UBE2E1: variants seen among roughly 807,000 people sequenced by gnomAD.
The protein encoded by UBE2E1 is ubiquitin conjugating enzyme E2 E1, also known as ubiquitin-conjugating enzyme E2 E1.
Under a neutral mutation model 21.4 loss-of-function variants are expected in UBE2E1, and 6 were observed. That is an observed-to-expected ratio of 0.28 (90% confidence interval 0.15 to 0.55). UBE2E1 has a LOEUF of 0.55. Ranked by LOEUF, UBE2E1 falls within the 20% of genes least tolerant of loss-of-function variation. UBE2E1 has a pLI of 0.93. For missense variants in UBE2E1, 142 were observed against 236.5 expected (o/e 0.60, Z 2.62); for synonymous variants, 87 against 82.7 (o/e 1.05, Z -0.28).
chr3:23,850,770 C>T (rs1191015066), intron 3 of UBE2E1, among the ~76,000 whole-genome samples: 1 of 148,228 alleles, frequency 6.7e-6, no homozygotes, highest in African/African-American at 2.5e-5. Context: ...CAGCCTCAGG[C>T]TCAAGCAGTC....
chr3:23,840,681 T>C (rs1700066926), intron 3 of UBE2E1, among the ~76,000 whole-genome samples: 1 of 152,202 alleles, frequency 6.6e-6, no homozygotes. Flanking sequence ...CTCTGTTCTC[T>C]GGTGATTCTT....
At position 23,845,276 on chromosome 3, in the gene UBE2E1, T is replaced by A. The variant is rs72627020; in HGVS notation, c.203+33766T>A. 3.5e-3 allele frequency among the ~76,000 whole-genome samples: 537 copies of A among 152,310 alleles called. 10 individuals carry two copies. The East Asian group carries it at 0.044, about 12-fold the overall frequency. ...TTTCTTCTTTTTACCTCAAGATCTG[T>A]GTGTCTGGCAGAATGCATTGCACAC... On this transcript the variant is annotated intron_variant, in intron 3 of 5. Transcript: ENST00000306627.
At chr3:23,868,506 A>G (rs1700704903) in intron 3 of UBE2E1, among the ~76,000 whole-genome samples, 1 of 151,792 alleles carries the variant, frequency 6.6e-6, no homozygotes, top group South Asian at 2.1e-4. Flanking sequence ...ATGGGGTTTC[A>G]CCATATTGGC....
chr3:23,829,163 TC>T (rs1699814792), intron 3 of UBE2E1, among the ~76,000 whole-genome samples: 1 of 39,048 alleles, frequency 2.6e-5, no homozygotes, highest in African/African-American at 1.2e-4. Flanking sequence ...AGACAGGGCC[TC>T]AAAAAAAAAA....
intron 3 of UBE2E1, among the ~76,000 whole-genome samples, chr3:23,815,024 T>G (rs113215705): frequency 6.6e-6 from 1 of 152,106 alleles, no homozygotes; most frequent in Non-Finnish European, 1.5e-5. Context: ...GGGTCTCATT[T>G]TGTCACCCAG....
intron 3 of UBE2E1, among the ~76,000 whole-genome samples, chr3:23,881,191 T>G (rs921097645): frequency 6.6e-5 from 10 of 152,220 alleles, no homozygotes; most frequent in African/African-American, 2.4e-4. Flanking sequence ...ATTGTTTACA[T>G]ACCTGTGTGA....
At chr3:23,846,523 C>G (rs1406213508) in intron 3 of UBE2E1, among the ~76,000 whole-genome samples, 1 of 152,004 alleles carries the variant, frequency 6.6e-6, no homozygotes, top group Non-Finnish European at 1.5e-5. Flanking sequence ...TGGTGAAACC[C>G]CATCTTTACT....
intron 3 of UBE2E1, among the ~76,000 whole-genome samples, chr3:23,858,611 C>T (rs116744729): frequency 0.014 from 2,143 of 152,210 alleles, 54 homozygotes; most frequent in African/African-American, 0.047. Context: ...TGACCCACTG[C>T]GCCCGGCCAG....
At chr3:23,818,795 T>A (rs1013668553) in intron 3 of UBE2E1, among the ~76,000 whole-genome samples, 3 of 152,152 alleles carry the variant, frequency 2.0e-5, no homozygotes, top group African/African-American at 7.2e-5. Context: ...AGAATTGTGC[T>A]CTGAAGGATG....
At chr3:23,857,840 A>G (rs188869811) in intron 3 of UBE2E1, among the ~76,000 whole-genome samples, 8 of 152,224 alleles carry the variant, frequency 5.3e-5, no homozygotes, top group African/African-American at 1.9e-4. Flanking sequence ...CAATGACCTT[A>G]GCTAGTCTTT....
intron 3 of UBE2E1, among the ~76,000 whole-genome samples, chr3:23,886,152 A>G (rs187777900): frequency 6.6e-6 from 1 of 152,320 alleles, no homozygotes; most frequent in Non-Finnish European, 1.5e-5. Context: ...GTGACCCGAG[A>G]TCATGCCACT....
At chr3:23,820,696 G>T (rs1163686544) in intron 3 of UBE2E1, among the ~76,000 whole-genome samples, 1 of 152,110 alleles carries the variant, frequency 6.6e-6, no homozygotes, top group Non-Finnish European at 1.5e-5. Context: ...TTTGCCACAG[G>T]TGCCACATCT....
intron 3 of UBE2E1, among the ~76,000 whole-genome samples, chr3:23,856,443 G>T (rs1700438654): frequency 6.6e-6 from 1 of 152,200 alleles, no homozygotes; most frequent in Admixed American, 6.5e-5. Context: ...TCCCCATCTG[G>T]AGTATGGTTT....
chr3:23,855,755 G>A (rs949340026), intron 3 of UBE2E1, among the ~76,000 whole-genome samples: 3 of 151,980 alleles, frequency 2.0e-5, no homozygotes, highest in East Asian at 1.9e-4. Context: ...GCGTGAACCC[G>A]GGAGGCGGAG....
At position 23,816,193 on chromosome 3, in the gene UBE2E1, A is replaced by T. The variant is rs1057161921; in HGVS notation, c.203+4683A>T. On this transcript the variant is annotated intron_variant, in intron 3 of 5. Coordinates refer to ENST00000306627, the MANE Select transcript of UBE2E1 (RefSeq NM_003341.5). This position sits in a 1 kb window ranked among gnomAD's most constrained non-coding sequence, Gnocchi z 4.8. ...CGTATGACCCAGTAATTTTACTGCTATCTATGTACCCTGAATAATTAAAAA... is the reference window on the plus strand; with the variant it reads ...CGTATGACCCAGTAATTTTACTGCTTTCTATGTACCCTGAATAATTAAAAA... Among the ~76,000 whole-genome samples, 5 of 152,224 alleles carry T rather than the reference A, an allele frequency of 3.3e-5. No individual in the cohort carries two copies. The highest frequency in any genetic ancestry group is 1.2e-4 in the African/African-American group (5 of 41,470).
At chr3:23,882,833 C>A (rs769524308) in intron 3 of UBE2E1, among the ~76,000 whole-genome samples, 3 of 152,196 alleles carry the variant, frequency 2.0e-5, no homozygotes, top group Non-Finnish European at 4.4e-5. Context: ...GCTCCGAGTG[C>A]GGGGCTGCCA....
At chr3:23,859,783 C>A (rs1189809268) in intron 3 of UBE2E1, among the ~76,000 whole-genome samples, 2 of 152,132 alleles carry the variant, frequency 1.3e-5, no homozygotes, top group Admixed American at 1.3e-4. Flanking sequence ...TTTTTAAAGC[C>A]CTTAATGATT....
chr3:23,842,260 T>TGTG lies in UBE2E1; in HGVS notation c.203+30752_203+30753insGGT. 7.5e-6 allele frequency among the ~76,000 whole-genome samples: 1 copy of TGTG among 133,496 alleles called. No homozygotes were observed. Among genetic ancestry groups the TGTG allele is most frequent in the Non-Finnish European group, 1.6e-5 (1 of 60,760 alleles). The allele number at this position is 133,496 out of a possible 152,430, so 87.6% of individuals were successfully genotyped here. Reference sequence around the variant, plus strand: ...GTGTGTGTGTGTGTGGTGTTGTTGTTGTTGGCGACAGGGTCTCAATTCGTC... The same window carrying TGTG: ...GTGTGTGTGTGTGTGGTGTTGTTGTTGTGGTTGGCGACAGGGTCTCAATTCGTC... On this transcript the variant is annotated intron_variant, in intron 3 of 5. Transcript: ENST00000306627. This position sits in a 1 kb window ranked among gnomAD's most constrained non-coding sequence, Gnocchi z 4.6.
chr3:23,848,992 C>T (rs1241587826), intron 3 of UBE2E1, among the ~76,000 whole-genome samples: 2 of 152,140 alleles, frequency 1.3e-5, no homozygotes, highest in Non-Finnish European at 2.9e-5. Flanking sequence ...ATACATATTT[C>T]ATTGTAGGGA....
Sources: gnomAD v4.1 joint callset for allele counts (sites outside exome capture counted in the v4.1 genomes callset) on GRCh38, gnomAD v4.1.1 for gene constraint, Gnocchi (gnomAD v3.1) non-coding constraint, MANE v1.5 for transcripts, NCBI Gene and HGNC (gene_info 2026-07-23, HGNC 2026-07-21) for gene names.